CTNNA2: variants seen among roughly 807,000 people sequenced by gnomAD.
CTNNA2 encodes the protein catenin alpha-2.
In CTNNA2, 42 loss-of-function variants were observed where a neutral mutation model predicts 101.0. The ratio of observed to expected loss-of-function variants is 0.42; its 90% CI spans 0.32 to 0.54. The LOEUF (loss-of-function observed/expected upper bound fraction) is 0.54, where lower values mean the gene tolerates loss of function less well. Ranked by LOEUF, CTNNA2 falls within the 20% of genes least tolerant of loss-of-function variation. CTNNA2 has a pLI of 0.14. For synonymous variants in CTNNA2, 450 were observed against 456.4 expected, an observed-to-expected ratio of 0.99 and a Z score of 0.18; for missense variants, 871 against 1,223.1, an observed-to-expected ratio of 0.71 and a Z score of 4.29.
chr2:79,439,611 A>G (rs915753127), intron 4 of CTNNA2, among the ~76,000 whole-genome samples: 1 of 152,158 alleles, frequency 6.6e-6, no homozygotes, highest in Admixed American at 6.6e-5. Flanking sequence ...AAAAGGATCA[A>G]TTTGGGATCT....
chr2:80,520,055 C>G (rs1689410660), intron 9 of CTNNA2, among the ~76,000 whole-genome samples: 1 of 152,132 alleles, frequency 6.6e-6, no homozygotes, highest in Non-Finnish European at 1.5e-5. Context: ...CAGAGTGGAA[C>G]ACCCCCTGTG....
rs1014638770 is a variant in CTNNA2, at chr2:79,682,235, C to T, written c.102+30577C>T. Among the ~76,000 whole-genome samples, 97 of 151,504 alleles carry T rather than the reference C, an allele frequency of 6.4e-4. 1 individual carries two copies. Among genetic ancestry groups the T allele is most frequent in the East Asian group, 2.0e-4 (1 of 5,128 alleles). On this transcript the variant is annotated intron_variant, in intron 2 of 18. Transcript: ENST00000402739. Reference sequence around the variant, plus strand: ...CATCCTGGCTAACAAGGTGAAACCCCGTCTCTACTAAAAATACAAAAAAAA... The same window carrying T: ...CATCCTGGCTAACAAGGTGAAACCCTGTCTCTACTAAAAATACAAAAAAAA...
chr2:79,936,457 T>C (rs1299204872), intron 7 of CTNNA2, among the ~76,000 whole-genome samples: 1 of 152,100 alleles, frequency 6.6e-6, no homozygotes, highest in Admixed American at 6.6e-5. Flanking sequence ...GACCCCCTTT[T>C]CCTCCTCTTG....
At chr2:79,901,571 C>A (rs868146259) in intron 6 of CTNNA2, among the ~76,000 whole-genome samples, 1 of 152,070 alleles carries the variant, frequency 6.6e-6, no homozygotes, top group South Asian at 2.1e-4. Context: ...TATCAAATTG[C>A]TTTCTTTGTT....
At chr2:79,536,391 A>G (rs1573278224) in intron 1 of CTNNA2, among the ~76,000 whole-genome samples, 3 of 152,176 alleles carry the variant, frequency 2.0e-5, no homozygotes. Flanking sequence ...CATCCTAGCT[A>G]ATAGTGTACA....
rs536026472 is a variant in CTNNA2 at position 80,271,516 on chromosome 2, T to G, written c.1057-121695T>G. Among the ~76,000 whole-genome samples, 43 of 151,738 alleles carry G rather than the reference T, an allele frequency of 2.8e-4. No individual in the cohort carries two copies. The East Asian group carries it at 7.6e-3, about 27-fold the overall frequency. ...GGCTCACTGCAAGCTCCACCTCCCG[T>G]GTTCACGCCATTCTCCTGCCTCAGC... is the stretch of plus-strand genomic sequence containing the variant. On this transcript the variant is annotated intron_variant, in intron 7 of 18. Coordinates refer to ENST00000402739, the MANE Select transcript of CTNNA2 (RefSeq NM_001282597.3).
intron 8 of CTNNA2, among the ~76,000 whole-genome samples, chr2:80,395,915 C>G (rs985846929): frequency 6.6e-6 from 1 of 152,098 alleles, no homozygotes; most frequent in African/African-American, 2.4e-5. Context: ...TAGTGACATC[C>G]ATCATGTCCC....
chr2:79,278,205 T>G (rs1675264030), intron 2 of CTNNA2, among the ~76,000 whole-genome samples: 1 of 152,008 alleles, frequency 6.6e-6, no homozygotes, highest in Non-Finnish European at 1.5e-5. Context: ...AAAGAGAAAG[T>G]TTACAGGAAC....
intron 4 of CTNNA2, among the ~76,000 whole-genome samples, chr2:79,486,053 T>C (rs1558679006): frequency 6.6e-6 from 1 of 152,112 alleles, no homozygotes; most frequent in Non-Finnish European, 1.5e-5. Flanking sequence ...TGAAAGCTGA[T>C]TTAAAATGAT....
intron 2 of CTNNA2, among the ~76,000 whole-genome samples, chr2:79,723,469 C>G (rs1686613657): frequency 6.6e-6 from 1 of 152,144 alleles, no homozygotes; most frequent in African/African-American, 2.4e-5. Context: ...GACAGCTATG[C>G]CACTCATCAA....
At chr2:80,335,970 C>T (rs540928857) in intron 7 of CTNNA2, among the ~76,000 whole-genome samples, 11 of 152,256 alleles carry the variant, frequency 7.2e-5, no homozygotes, top group Admixed American at 1.3e-4. Flanking sequence ...ATTCCAAATG[C>T]TGTGTCTCCC....
At position 80,465,724 on chromosome 2, in the gene CTNNA2, G is replaced by A. The variant is rs116608840; in HGVS notation, c.1290+46123G>A. On this transcript the variant is annotated intron_variant, in intron 9 of 18. Coordinates refer to ENST00000402739, the MANE Select transcript of CTNNA2 (RefSeq NM_001282597.3). ...TTCTTCTTTATTTCTTTTAAATAAG[G>A]GACTAGAAAAGATGTGAAACCAAAG... 4.8e-3 allele frequency among the ~76,000 whole-genome samples: 730 copies of A among 152,120 alleles called. 7 individuals are homozygous for A. Among genetic ancestry groups the A allele is most frequent in the African/African-American group, 0.016 (674 of 41,514 alleles).
At chr2:79,811,372 GTTGT>G (rs1219877969) in intron 3 of CTNNA2, among the ~76,000 whole-genome samples, 1 of 152,132 alleles carries the variant, frequency 6.6e-6, no homozygotes, top group Non-Finnish European at 1.5e-5. Flanking sequence ...TTTTGATGGG[GTTGT>G]TTGTTTTTTT....
rs1694681270 is a variant in CTNNA2 at position 80,023,049 on chromosome 2, C to T, written c.1056+113252C>T. ...GACAGCTTGTCCATGCTCCAAATAA[C>T]TATATTATAGAAAATATGGTAAGCG... On this transcript the variant is annotated intron_variant, in intron 7 of 18. Transcript: ENST00000402739. 3.3e-5 allele frequency among the ~76,000 whole-genome samples: 5 copies of T among 152,184 alleles called. No individual in the cohort carries two copies. In the South Asian group the frequency reaches 1.0e-3, roughly 31 times the overall value.
chr2:79,983,479 G>C, intron 7 of CTNNA2, among the ~76,000 whole-genome samples: 1 of 152,088 alleles, frequency 6.6e-6, no homozygotes, highest in East Asian at 1.9e-4. Flanking sequence ...CTCATGGTGC[G>C]TGCTTCTCTA....
intron 7 of CTNNA2, among the ~76,000 whole-genome samples, chr2:80,388,857 A>G (rs1677252387): frequency 6.6e-6 from 1 of 152,194 alleles, no homozygotes; most frequent in African/African-American, 2.4e-5. Flanking sequence ...GTTGACTCCT[A>G]GGGAACTAGA....
chr2:80,381,434 C>T lies in CTNNA2; in HGVS notation c.1057-11777C>T, dbSNP rs139890160. ...CCTCATAATGTTAAGAATTAAAGTG[C>T]TTGGGACCTGTGTGCTTGCTTTGAA... On this transcript the variant is annotated intron_variant, in intron 7 of 18. Transcript: ENST00000402739. Among the ~76,000 whole-genome samples the T allele has an allele frequency of 1.1e-3, 163 of 152,180 alleles. 1 individual carries two copies. The East Asian group carries it at 0.022, about 20-fold the overall frequency.
intron 3 of CTNNA2, among the ~76,000 whole-genome samples, chr2:79,348,167 G>A (rs1446739691): frequency 1.3e-5 from 2 of 152,156 alleles, no homozygotes; most frequent in African/African-American, 4.8e-5. Context: ...GGACTCCTAT[G>A]AAAACAGTAC....
At chr2:79,843,765 C>T (rs1679996657) in intron 3 of CTNNA2, among the ~76,000 whole-genome samples, 1 of 152,176 alleles carries the variant, frequency 6.6e-6, no homozygotes, top group South Asian at 2.1e-4. Flanking sequence ...AAAACCAGTT[C>T]TCGTACTTAC....
Sources: allele counts gnomAD v4.1 joint callset (sites outside exome capture counted in the v4.1 genomes callset), GRCh38; gene constraint gnomAD v4.1.1; transcripts MANE v1.5; gene names NCBI Gene and HGNC (gene_info 2026-07-23, HGNC 2026-07-21).